Variants in ZNF267 observed in about 807,000 individuals in gnomAD.
ZNF267 encodes the protein zinc finger (C2H2).
In ZNF267, 61 loss-of-function variants were observed where a neutral mutation model predicts 71.6. The observed-to-expected ratio is 0.85, with a 90% CI of 0.69 to 1.05. ZNF267 has a LOEUF of 1.05. ZNF267 is among the 50% of genes least tolerant of loss of function. The pLI, the probability that ZNF267 is intolerant of heterozygous loss-of-function variation, is 0.00. For synonymous variants in ZNF267, 288 were observed against 293.2 expected (o/e 0.98, Z 0.18); for missense variants, 852 against 870.0 (o/e 0.98, Z 0.26).
chr16:31,916,007 T>G lies in ZNF267; in HGVS notation c.1758T>G (p.Ser586Arg), dbSNP rs774643450. 6.2e-6 allele frequency: 10 copies of G among 1,612,700 alleles called. No individual in the cohort carries two copies. The East Asian group carries it at 1.6e-4, about 25-fold the overall frequency. The change falls in exon 4 of 4, where the codon AGT becomes AGG. Residue 586 changes from serine (S) to arginine (R), a missense_variant. Physicochemically the swap from Ser to Arg is moderately radical, Grantham distance 110. Coordinates refer to ENST00000300870, the MANE Select transcript of ZNF267 (RefSeq NM_003414.6). ...YKCKACSKSF[S>R]DSSGLTVHRR... ...GTAAAGCATGTAGCAAATCTTTTAG[T>G]GACTCCTCAGGTCTTACTGTGCATC...
intron 3 of ZNF267, among the ~76,000 whole-genome samples, chr16:31,906,708 C>G (rs2084093536): frequency 6.6e-6 from 1 of 152,134 alleles, no homozygotes; most frequent in Admixed American, 6.5e-5. Flanking sequence ...AGGGAATTCC[C>G]TGACCCATTG....
chr16:31,884,110 TGAA>T (rs1177659839), intron 1 of ZNF267, among the ~76,000 whole-genome samples: 2 of 152,320 alleles, frequency 1.3e-5, no homozygotes, highest in South Asian at 2.1e-4. Context: ...ACTCTGCCTT[TGAA>T]GAAGATCTCC....
chr16:31,913,702 G>GA (rs778305733), intron 3 of ZNF267: 2 of 152,450 alleles, frequency 1.3e-5, no homozygotes, highest in Non-Finnish European at 2.9e-5. Flanking sequence ...TCTGCAGGCA[G>GA]AGGAGCCTCA....
chr16:31,877,876 T>G (rs902943258), intron 1 of ZNF267, among the ~76,000 whole-genome samples: 3 of 152,190 alleles, frequency 2.0e-5, no homozygotes, highest in Admixed American at 1.3e-4. Context: ...TATATCCTTA[T>G]GATAACCTGA....
intron 3 of ZNF267, among the ~76,000 whole-genome samples, chr16:31,910,404 T>C (rs904200341): frequency 5.9e-5 from 9 of 151,638 alleles, no homozygotes; most frequent in Non-Finnish European, 1.3e-4. Context: ...GGGAGACTTT[T>C]TATTATGGCT....
chr16:31,889,648 G>A (rs531203568), intron 3 of ZNF267, among the ~76,000 whole-genome samples: 1 of 152,238 alleles, frequency 6.6e-6, no homozygotes, highest in Admixed American at 6.5e-5. Context: ...TCTGGCGAGG[G>A]CCTCAGTAAG....
At chr16:31,893,295 G>T (rs2083974039) in intron 3 of ZNF267, among the ~76,000 whole-genome samples, 1 of 152,214 alleles carries the variant, frequency 6.6e-6, no homozygotes, top group Non-Finnish European at 1.5e-5. Context: ...CAGGCAGCAT[G>T]GGGACCCTGG....
intron 3 of ZNF267, among the ~76,000 whole-genome samples, chr16:31,888,978 T>C (rs1283876879): frequency 6.6e-6 from 1 of 152,078 alleles, no homozygotes; most frequent in Non-Finnish European, 1.5e-5. Context: ...ATTTCTGTCT[T>C]CTTTCTCATT....
intron 1 of ZNF267, chr16:31,874,250 C>T (rs1033634698): frequency 4.7e-6 from 2 of 423,652 alleles, no homozygotes; most frequent in African/African-American, 2.1e-5. Flanking sequence ...CCCCGCGTCT[C>T]CCCCAGATTG....
At chr16:31,885,704 T>G (rs2083919575) in intron 3 of ZNF267, among the ~76,000 whole-genome samples, 1 of 152,228 alleles carries the variant, frequency 6.6e-6, no homozygotes, top group African/African-American at 2.4e-5. Context: ...GTCACATATT[T>G]TCTGATACAT....
chr16:31,892,540 C>T (rs539305460), intron 3 of ZNF267, among the ~76,000 whole-genome samples: 2 of 152,332 alleles, frequency 1.3e-5, no homozygotes, highest in South Asian at 4.1e-4. Context: ...TCCAGAGTCT[C>T]ATCTGAGACA....
In ZNF267 at chr16:31,913,780, A is replaced by C. The variant is rs187324513; in HGVS notation, c.227-696A>C. 3.9e-5 allele frequency: 6 copies of C among 152,246 alleles called. No homozygotes were observed. In the East Asian group the frequency reaches 7.7e-4, roughly 20 times the overall value. The allele number at this position is 152,246 out of a possible 1,614,324, so 9.4% of individuals were successfully genotyped here. A position where few individuals can be genotyped will look rare whatever the true frequency, so the allele number is the denominator to read the frequency against. On this transcript the variant is annotated intron_variant, in intron 3 of 3. Coordinates refer to ENST00000300870, the MANE Select transcript of ZNF267 (RefSeq NM_003414.6). ...GGGCTATCACTGATGTTCACTCAAC[A>C]CCCAAGCACTCTTCAGTCAGCTTAT...
intron 3 of ZNF267, among the ~76,000 whole-genome samples, chr16:31,895,539 T>A (rs1461406835): frequency 6.6e-6 from 1 of 152,210 alleles, no homozygotes; most frequent in East Asian, 1.9e-4. Flanking sequence ...TTTTGAGGAA[T>A]CTTCATACCA....
At chr16:31,877,140 C>T (rs1474012504) in intron 1 of ZNF267, among the ~76,000 whole-genome samples, 2 of 152,052 alleles carry the variant, frequency 1.3e-5, no homozygotes, top group Non-Finnish European at 2.9e-5. Context: ...TCCCCCCACC[C>T]GACAACTGGT....
chr16:31,904,703 G>T (rs904473014), intron 3 of ZNF267, among the ~76,000 whole-genome samples: 2 of 152,152 alleles, frequency 1.3e-5, no homozygotes, highest in African/African-American at 4.8e-5. Context: ...TGGGTTTCCT[G>T]AATACAGCAC....
chr16:31,899,081 A>G (rs145893707), intron 3 of ZNF267, among the ~76,000 whole-genome samples: 2,110 of 152,286 alleles, frequency 0.014, 57 homozygotes, highest in African/African-American at 0.048. Flanking sequence ...ACACACAATA[A>G]TAATGGGAGA....
intron 3 of ZNF267, among the ~76,000 whole-genome samples, chr16:31,899,481 C>A (rs1252862590): frequency 6.6e-6 from 1 of 152,064 alleles, no homozygotes; most frequent in Non-Finnish European, 1.5e-5. Flanking sequence ...TCTTTGAAAC[C>A]AATGAGAACA....
chr16:31,886,818 A>G (rs905935003), intron 3 of ZNF267, among the ~76,000 whole-genome samples: 2 of 152,218 alleles, frequency 1.3e-5, no homozygotes, highest in African/African-American at 4.8e-5. Context: ...ATAATTGGCT[A>G]TGAACATAGG....
At chr16:31,886,261 A>G (rs2083923539) in intron 3 of ZNF267, among the ~76,000 whole-genome samples, 1 of 152,142 alleles carries the variant, frequency 6.6e-6, no homozygotes, top group Non-Finnish European at 1.5e-5. Context: ...TGTGGTGAGA[A>G]CTCTTAAGAT....
Sources: allele counts gnomAD v4.1 joint callset (sites outside exome capture counted in the v4.1 genomes callset), GRCh38; gene constraint gnomAD v4.1.1; transcripts MANE v1.5; gene names NCBI Gene and HGNC (gene_info 2026-07-23, HGNC 2026-07-21).